Variants in LARGE1 observed in about 807,000 individuals in gnomAD.
LARGE1 encodes xylosyl- and glucuronyltransferase LARGE1.
A neutral mutation model predicts 87.6 loss-of-function variants in LARGE1; 43 were observed. The ratio of observed to expected loss-of-function variants is 0.49; its 90% CI spans 0.38 to 0.63. The LOEUF (loss-of-function observed/expected upper bound fraction) is 0.63. Among genes scored for constraint, LARGE1 ranks in the 30% least tolerant of loss-of-function variants. LARGE1 has a pLI of 0.00. For synonymous variants in LARGE1, 434 were observed against 394.6 expected (o/e 1.10, Z -1.18); for missense variants, 802 against 1,000.2 (o/e 0.80, Z 2.67).
chr22:33,590,860 C>G (rs2078816446), intron 5 of LARGE1, among the ~76,000 whole-genome samples: 1 of 152,164 alleles, frequency 6.6e-6, no homozygotes, highest in Non-Finnish European at 1.5e-5. Flanking sequence ...GGTTGAACAC[C>G]TAGGAGTGGA....
intron 2 of LARGE1, among the ~76,000 whole-genome samples, chr22:33,685,145 T>C (rs2081906705): frequency 6.6e-6 from 1 of 152,186 alleles, no homozygotes; most frequent in Admixed American, 6.5e-5. Context: ...GCAGCTGGCA[T>C]ATGCCCTGGA....
chr22:33,274,268 C>T lies in LARGE1; in HGVS notation c.*159G>A. 1 of 744,722 alleles carries T rather than the reference C, an allele frequency of 1.3e-6. No individual in the cohort carries two copies. The highest frequency in any genetic ancestry group is 2.3e-6 in the Non-Finnish European group (1 of 431,710). The allele number at this position is 744,722 out of a possible 1,614,324, so 46.1% of individuals were successfully genotyped here. A position where few individuals can be genotyped will look rare whatever the true frequency, so the allele number is the denominator to read the frequency against. On this transcript the variant is annotated 3_prime_UTR_variant, in exon 15 of 15. Coordinates refer to ENST00000397394, the MANE Select transcript of LARGE1 (RefSeq NM_133642.5). ...AGAGAGGGACTGGCTGGATCCTTGT[C>T]CAAGGTCTCTGTAGTGAGGGCAGCT...
intron 3 of LARGE1, among the ~76,000 whole-genome samples, chr22:33,644,770 GACAA>G (rs549972977): frequency 8.2e-4 from 125 of 152,210 alleles, no homozygotes; most frequent in South Asian, 1.0e-3. Context: ...ACCAATAACA[GACAA>G]ACAGAGAGCC....
chr22:33,748,494 T>A (rs1173470130), intron 2 of LARGE1, among the ~76,000 whole-genome samples: 3 of 152,146 alleles, frequency 2.0e-5, no homozygotes, highest in African/African-American at 7.2e-5. Flanking sequence ...TGAGACAAAA[T>A]GACTCTGCAA....
intron 1 of LARGE1, among the ~76,000 whole-genome samples, chr22:33,880,629 C>A (rs2064649725): frequency 6.6e-6 from 1 of 152,174 alleles, no homozygotes; most frequent in Non-Finnish European, 1.5e-5. Flanking sequence ...AGCCACCCCA[C>A]ACAAATGATG....
At chr22:33,116,549 G>A in the LARGE1 span, among the ~76,000 whole-genome samples, 1 of 150,616 alleles carries the variant, frequency 6.6e-6, no homozygotes, top group Non-Finnish European at 1.5e-5. Context: ...TTTTTTAGTA[G>A]AGACGGGGTT....
the LARGE1 span, among the ~76,000 whole-genome samples, chr22:33,120,358 T>TTTCTTTC: frequency 2.5e-3 from 291 of 118,774 alleles, 1 homozygote; most frequent in African/African-American, 9.2e-3. Context: ...TTTTCTTTCT[T>TTTCTTTC]TTTCTTTCTT....
chr22:33,798,254 C>T (rs1325152182), intron 1 of LARGE1, among the ~76,000 whole-genome samples: 4 of 152,136 alleles, frequency 2.6e-5, no homozygotes, highest in East Asian at 3.9e-4. Flanking sequence ...CTGGCCGTTA[C>T]ACTCCAGCCT....
downstream of LARGE1, among the ~76,000 whole-genome samples, chr22:33,268,299 C>A (rs555988451): frequency 1.3e-5 from 2 of 151,246 alleles, no homozygotes; most frequent in South Asian, 2.1e-4. Flanking sequence ...TGTATCTTTT[C>A]TCCTTGCATA....
intron 6 of LARGE1, among the ~76,000 whole-genome samples, chr22:33,491,546 G>T (rs762761223): frequency 6.6e-6 from 1 of 152,214 alleles, no homozygotes. Context: ...GAAGATGAAA[G>T]AATCTTCTCA....
chr22:33,315,198 G>A (rs1030657174), intron 11 of LARGE1, among the ~76,000 whole-genome samples: 1 of 152,148 alleles, frequency 6.6e-6, no homozygotes, highest in African/African-American at 2.4e-5. Flanking sequence ...CACGTTATAA[G>A]CTTAAAACAA....
intron 1 of LARGE1, among the ~76,000 whole-genome samples, chr22:33,865,078 C>T (rs1235014678): frequency 1.3e-5 from 2 of 152,226 alleles, no homozygotes; most frequent in Admixed American, 1.3e-4. Flanking sequence ...TAAAGTACTG[C>T]TGACTTCTAC....
chr22:33,704,410 A>G (rs555478525), intron 2 of LARGE1, among the ~76,000 whole-genome samples: 1 of 152,202 alleles, frequency 6.6e-6, no homozygotes, highest in Admixed American at 6.5e-5. Context: ...CCCTGCCCCA[A>G]CTCCAGGAAC....
At chr22:33,573,489 C>T (rs1025340366) in intron 5 of LARGE1, among the ~76,000 whole-genome samples, 1 of 152,114 alleles carries the variant, frequency 6.6e-6, no homozygotes, top group Non-Finnish European at 1.5e-5. Flanking sequence ...CCCTTGGCAG[C>T]ACAGAGAAAC....
At chr22:33,889,263 G>T (rs987226964) in intron 1 of LARGE1, 3 of 152,134 alleles carry the variant, frequency 2.0e-5, no homozygotes, top group Admixed American at 6.5e-5. Flanking sequence ...TAATTGTCAG[G>T]TTTGCAAGTG....
At chr22:33,197,475 G>T (rs1203684114) in intron 11 of LARGE1, among the ~76,000 whole-genome samples, 1 of 151,886 alleles carries the variant, frequency 6.6e-6, no homozygotes, top group African/African-American at 2.4e-5. Context: ...AAACTCAATT[G>T]TCTTATCTTC....
chr22:33,426,031 C>T (rs1288290089), intron 7 of LARGE1, among the ~76,000 whole-genome samples: 2 of 152,140 alleles, frequency 1.3e-5, no homozygotes, highest in South Asian at 2.1e-4. Flanking sequence ...CAGGTGTGAG[C>T]CACCGCACCT....
the LARGE1 span, among the ~76,000 whole-genome samples, chr22:33,118,516 A>AG: frequency 1.3e-5 from 2 of 149,506 alleles, no homozygotes; most frequent in African/African-American, 2.5e-5. Flanking sequence ...AAAAAAAAAA[A>AG]AAAAGAAAAG....
intron 9 of LARGE1, 136 bp from the exon 10 acceptor site, chr22:33,337,937 C>G: frequency 9.9e-7 from 1 of 1,005,278 alleles, no homozygotes; most frequent in Non-Finnish European, 1.5e-6. Context: ...AACATTTTGG[C>G]AGAGTGGTTA....
Sources: allele counts gnomAD v4.1 joint callset (sites outside exome capture counted in the v4.1 genomes callset), GRCh38; gene constraint gnomAD v4.1.1; transcripts MANE v1.5; gene names NCBI Gene and HGNC (gene_info 2026-07-23, HGNC 2026-07-21).